Variants in ABCB4 observed in about 807,000 individuals in gnomAD.
ABCB4 encodes the protein ATP binding cassette subfamily B member 4, also known as phosphatidylcholine translocator ABCB4.
Under a neutral mutation model 145.7 loss-of-function variants are expected in ABCB4, and 76 were observed. The ratio of observed to expected loss-of-function variants is 0.52; its 90% CI spans 0.43 to 0.63. ABCB4 has a LOEUF of 0.63. ABCB4 is among the 30% of genes least tolerant of loss of function. The pLI is 0.00. For missense variants in ABCB4, 1,234 were observed against 1,553.1 expected, an observed-to-expected ratio of 0.79 and a Z score of 3.45; for synonymous variants, 517 against 566.8, an observed-to-expected ratio of 0.91 and a Z score of 1.25.
At chr7:87,382,587 GGGT>G in the ABCB4 span, 1 of 1,555,384 alleles carries the variant, frequency 6.4e-7, no homozygotes, top group South Asian at 1.2e-5. Flanking sequence ...TGAAGTCCAA[GGGT>G]ATATCTTTTT....
chr7:87,444,375 A>G (rs961502739), intron 10 of ABCB4, among the ~76,000 whole-genome samples: 1 of 152,210 alleles, frequency 6.6e-6, no homozygotes, highest in Non-Finnish European at 1.5e-5. Context: ...TTACGTCAAA[A>G]CTTTTTCTTT....
intron 11 of ABCB4, 85 bp downstream of exon 11, chr7:87,443,578 T>G (rs1030858234): frequency 3.9e-5 from 60 of 1,526,322 alleles, no homozygotes; most frequent in Non-Finnish European, 5.2e-5. Context: ...GGCACATAAG[T>G]ATCAAAATAA....
At chr7:87,393,013 T>C in the ABCB4 span, 5 of 1,613,506 alleles carry the variant, frequency 3.1e-6, no homozygotes, top group African/African-American at 6.7e-5. Context: ...CAGGGAGTGG[T>C]AGTTCCCATG....
chr7:87,425,750 C>G (rs927309345), intron 16 of ABCB4, among the ~76,000 whole-genome samples: 1 of 151,988 alleles, frequency 6.6e-6, no homozygotes, highest in Non-Finnish European at 1.5e-5. Context: ...GTGGCACACA[C>G]CTGTAGTCCC....
At chr7:87,471,663 T>C (rs1267629524) in intron 3 of ABCB4, among the ~76,000 whole-genome samples, 1 of 152,220 alleles carries the variant, frequency 6.6e-6, no homozygotes, top group Non-Finnish European at 1.5e-5. Flanking sequence ...TGCTACCAAA[T>C]AATGGCTGTC....
intron 3 of ABCB4, among the ~76,000 whole-genome samples, chr7:87,468,839 G>C (rs1813126574): frequency 6.6e-6 from 1 of 152,006 alleles, no homozygotes. Flanking sequence ...GCTGAGGCAG[G>C]AGAATGGCGT....
At position 87,465,047 on chromosome 7, in the gene ABCB4, G is replaced by A. The variant is rs565554451; in HGVS notation, c.136-2139C>T. Among the ~76,000 whole-genome samples the A allele has an allele frequency of 5.3e-5, 8 of 152,276 alleles. No individual in the cohort carries two copies. In the East Asian group the frequency reaches 9.7e-4, roughly 18 times the overall value. The stretch of plus-strand genomic sequence containing the variant: ...GTGGGTGCAGGACAGTAGGTGCAGC[G>A]CACCGAGCATGAGCCAAAGCAGGGG... On this transcript the variant is annotated intron_variant, in intron 3 of 27. Coordinates refer to ENST00000649586, the MANE Select transcript of ABCB4 (RefSeq NM_000443.4).
At chr7:87,411,688 C>T (rs1252908862) in intron 23 of ABCB4, among the ~76,000 whole-genome samples, 1 of 152,108 alleles carries the variant, frequency 6.6e-6, no homozygotes, top group East Asian at 1.9e-4. Context: ...TTTTCATAAG[C>T]TTAATTGTAG....
chr7:87,461,066 C>T (rs1016952208), intron 4 of ABCB4, among the ~76,000 whole-genome samples: 1 of 152,170 alleles, frequency 6.6e-6, no homozygotes, highest in Non-Finnish European at 1.5e-5. Flanking sequence ...CTGCCTCAGC[C>T]TCCAGAGTAG....
intron 14 of ABCB4, among the ~76,000 whole-genome samples, chr7:87,433,978 G>A (rs994007552): frequency 2.0e-5 from 3 of 151,214 alleles, no homozygotes; most frequent in Non-Finnish European, 4.4e-5. Context: ...TTGCCAGGCT[G>A]GAATGCAGTG....
At chr7:87,456,650 A>G (rs1812117248) in intron 4 of ABCB4, among the ~76,000 whole-genome samples, 1 of 152,220 alleles carries the variant, frequency 6.6e-6, no homozygotes, top group African/African-American at 2.4e-5. Flanking sequence ...TAAATTACCC[A>G]GTCTCAGGTA....
intron 26 of ABCB4, among the ~76,000 whole-genome samples, chr7:87,404,417 A>G (rs961174118): frequency 6.6e-6 from 1 of 152,180 alleles, no homozygotes; most frequent in African/African-American, 2.4e-5. Context: ...AAACTTTTAG[A>G]AAAAAACATG....
At chr7:87,411,677 A>G (rs566599395) in intron 23 of ABCB4, among the ~76,000 whole-genome samples, 64 of 152,244 alleles carry the variant, frequency 4.2e-4, no homozygotes, top group African/African-American at 1.4e-3. Context: ...CTTTCTGATC[A>G]TTTTCATAAG....
intron 9 of ABCB4, among the ~76,000 whole-genome samples, chr7:87,445,706 CA>C (rs1291513345): frequency 6.6e-6 from 1 of 152,186 alleles, no homozygotes; most frequent in African/African-American, 2.4e-5. Context: ...CAAAACACAG[CA>C]ACACTTCATG....
chr7:87,452,875 C>G, intron 6 of ABCB4, 69 bp downstream of exon 6: 1 of 1,527,922 alleles, frequency 6.5e-7, no homozygotes, highest in African/African-American at 1.4e-5. Context: ...CATTTAAAAT[C>G]TTTCCTTGAC....
intron 3 of ABCB4, among the ~76,000 whole-genome samples, chr7:87,469,722 C>A (rs1434497680): frequency 6.6e-6 from 1 of 151,948 alleles, no homozygotes; most frequent in Admixed American, 6.6e-5. Flanking sequence ...TAAAAGAGGA[C>A]ACAAACAAAT....
At chr7:87,414,864 T>G (rs920746531) in intron 21 of ABCB4, among the ~76,000 whole-genome samples, 1 of 152,196 alleles carries the variant, frequency 6.6e-6, no homozygotes, top group African/African-American at 2.4e-5. Context: ...ATGATCTCAT[T>G]TAGCCTCACA....
chr7:87,460,807 T>C (rs545513356), intron 4 of ABCB4, among the ~76,000 whole-genome samples: 3 of 151,834 alleles, frequency 2.0e-5, no homozygotes, highest in Non-Finnish European at 4.4e-5. Context: ...TTTTTATAGG[T>C]GTGTAGTATT....
the ABCB4 span, among the ~76,000 whole-genome samples, chr7:87,376,417 T>C: frequency 6.6e-6 from 1 of 152,088 alleles, no homozygotes; most frequent in Admixed American, 6.5e-5. Context: ...CTGAACACAT[T>C]GATGTCAGTG....
Sources: gnomAD v4.1 joint callset for allele counts (sites outside exome capture counted in the v4.1 genomes callset) on GRCh38, gnomAD v4.1.1 for gene constraint, MANE v1.5 for transcripts, NCBI Gene and HGNC (gene_info 2026-07-23, HGNC 2026-07-21) for gene names.